Variants in COMT observed in about 807,000 individuals in gnomAD.
COMT encodes catechol-O-methyltransferase, also known as catechol O-methyltransferase.
In COMT, 13 loss-of-function variants were observed where a neutral mutation model predicts 18.9. The observed-to-expected ratio is 0.69, with a 90% CI of 0.45 to 1.09. The LOEUF is 1.09. Among genes scored for constraint, COMT ranks in the 50% least tolerant of loss-of-function variants. The pLI, the probability that COMT is intolerant of heterozygous loss-of-function variation, is 0.00. For synonymous variants in COMT, 150 were observed against 160.9 expected (o/e 0.93, Z 0.51); for missense variants, 329 against 361.8 (o/e 0.91, Z 0.73).
intron 5 of COMT, among the ~76,000 whole-genome samples, chr22:19,966,694 A>G (rs1389850083): frequency 6.6e-6 from 1 of 151,592 alleles, no homozygotes; most frequent in Middle Eastern, 3.2e-3. Flanking sequence ...TCTTGCCTCA[A>G]CCTCCCAAAG....
intron 2 of COMT, among the ~76,000 whole-genome samples, chr22:19,961,502 G>A (rs748426675): frequency 2.0e-5 from 3 of 151,842 alleles, no homozygotes; most frequent in African/African-American, 4.9e-5. Context: ...CTGGTGCCCT[G>A]AGGCTGGCCT....
At chr22:19,942,223 A>G (rs1480085218) in intron 1 of COMT, among the ~76,000 whole-genome samples, 1 of 152,204 alleles carries the variant, frequency 6.6e-6, no homozygotes, top group Admixed American at 6.5e-5. Flanking sequence ...GACCAGGAGG[A>G]TAAGCCTCTC....
chr22:19,942,092 C>G (rs1049936894), intron 1 of COMT, 195 bp downstream of exon 1: 11 of 350,972 alleles, frequency 3.1e-5, no homozygotes, highest in Middle Eastern at 7.5e-4. Context: ...GGGTGGGGAT[C>G]TTTGGACCGG....
intron 1 of COMT, among the ~76,000 whole-genome samples, chr22:19,945,887 G>T (rs901018064): frequency 6.6e-6 from 1 of 152,126 alleles, no homozygotes; most frequent in South Asian, 2.1e-4. Flanking sequence ...GGATGGTCTC[G>T]CTCTCCAGAC....
intron 4 of COMT, 163 bp downstream of exon 4, chr22:19,963,922 C>G (rs1942269169): frequency 8.5e-7 from 1 of 1,172,332 alleles, no homozygotes; most frequent in Admixed American, 2.0e-5. Flanking sequence ...GAGGAAAGAC[C>G]CCCCCAGCAG....
chr22:19,950,523 A>G lies in COMT; in HGVS notation c.-92+8626A>G, dbSNP rs548734423. On this transcript the variant is annotated intron_variant, in intron 1 of 5. Coordinates refer to ENST00000361682, the MANE Select transcript of COMT (RefSeq NM_000754.4). ...TTGTTTTGCCCTGATGGATGACTAC[A>G]TGTTTCCAGTGAGCTCAGCTGGTTG... 2.0e-5 allele frequency among the ~76,000 whole-genome samples: 3 copies of G among 152,162 alleles called. No individual in the cohort carries two copies. In the East Asian group the frequency reaches 5.8e-4, roughly 29 times the overall value.
At chr22:19,966,034 G>A (rs1372004111) in intron 5 of COMT, among the ~76,000 whole-genome samples, 2 of 152,216 alleles carry the variant, frequency 1.3e-5, no homozygotes, top group Non-Finnish European at 2.9e-5. Context: ...AATTACAGGG[G>A]CCTGCCTTCA....
chr22:19,956,090 A>T (rs573490163), intron 1 of COMT, among the ~76,000 whole-genome samples: 13 of 151,978 alleles, frequency 8.6e-5, no homozygotes, highest in African/African-American at 3.1e-4. Context: ...TTGCAAAGAG[A>T]ACAAAGTCAG....
chr22:19,969,319 G>A lies in COMT; in HGVS notation c.*583G>A, dbSNP rs915493261. 9.7e-5 allele frequency: 15 copies of A among 154,058 alleles called. No homozygotes were observed. Among genetic ancestry groups the A allele is most frequent in the African/African-American group, 3.6e-4 (15 of 41,428 alleles). The allele number at this position is 154,058 out of a possible 1,614,324, so 9.5% of individuals were successfully genotyped here. ...ACCTTTCTGACCAAGCAGGCGCTGG[G>A]GACAGGTGGACCCCGCAGCAGCACC... On this transcript the variant is annotated 3_prime_UTR_variant, in exon 6 of 6. Coordinates refer to ENST00000361682, the MANE Select transcript of COMT (RefSeq NM_000754.4).
intron 5 of COMT, 42 bp downstream of exon 5, chr22:19,964,341 A>C: frequency 6.2e-7 from 1 of 1,613,536 alleles, no homozygotes; most frequent in Non-Finnish European, 8.5e-7. Flanking sequence ...GCTGCTGCCC[A>C]GAGCCCATTC....
chr22:19,968,435 G>A, intron 5 of COMT, 101 bp from the exon 6 acceptor site: 1 of 1,155,220 alleles, frequency 8.7e-7, no homozygotes, highest in Non-Finnish European at 1.3e-6. Flanking sequence ...CTAGGCACAG[G>A]CGTGGTGCCG....
intron 2 of COMT, chr22:19,961,823 G>A (rs111744769): frequency 8.5e-5 from 13 of 152,696 alleles, no homozygotes; most frequent in African/African-American, 2.9e-4. Flanking sequence ...ACACCAGGAG[G>A]ATTTCAAACA....
intron 4 of COMT, chr22:19,963,962 AC>A: frequency 8.3e-7 from 1 of 1,206,130 alleles, no homozygotes; most frequent in East Asian, 2.5e-5. Flanking sequence ...CTCTGGGTAA[AC>A]TGCCAAGGTG....
chr22:19,954,218 C>CAAAAAG (rs1942011207), intron 1 of COMT, among the ~76,000 whole-genome samples: 1 of 135,438 alleles, frequency 7.4e-6, no homozygotes, highest in Admixed American at 7.4e-5. Context: ...GGTATTGAGT[C>CAAAAAG]AAAAAAAAAA....
intron 1 of COMT, among the ~76,000 whole-genome samples, chr22:19,958,073 G>A: frequency 6.6e-6 from 1 of 151,986 alleles, no homozygotes; most frequent in Non-Finnish European, 1.5e-5. Flanking sequence ...GAATTGCTGG[G>A]TCATATGGTA....
At chr22:19,967,637 TAC>T in intron 5 of COMT, 1 of 312,224 alleles carries the variant, frequency 3.2e-6, no homozygotes, top group Non-Finnish European at 6.3e-6. Flanking sequence ...TGGGGTCGGA[TAC>T]CAGTGTTTCA....
intron 5 of COMT, among the ~76,000 whole-genome samples, chr22:19,967,984 G>A (rs536959884): frequency 1.6e-4 from 24 of 152,344 alleles, no homozygotes; most frequent in African/African-American, 5.5e-4. Flanking sequence ...TCCTCCCAGG[G>A]CCCAGGCACT....
chr22:19,944,581 T>C (rs562907568), intron 1 of COMT, among the ~76,000 whole-genome samples: 1 of 151,238 alleles, frequency 6.6e-6, no homozygotes, highest in African/African-American at 2.4e-5. Flanking sequence ...TCCCAGCACT[T>C]TGGGAGGCCG....
chr22:19,956,713 G>A (rs1397121131), intron 1 of COMT, among the ~76,000 whole-genome samples: 1 of 151,922 alleles, frequency 6.6e-6, no homozygotes, highest in Admixed American at 6.6e-5. Flanking sequence ...TTTAAAATGA[G>A]CCTAGAAACC....
Sources: gnomAD v4.1 joint callset for allele counts (sites outside exome capture counted in the v4.1 genomes callset) on GRCh38, gnomAD v4.1.1 for gene constraint, MANE v1.5 for transcripts, NCBI Gene and HGNC (gene_info 2026-07-23, HGNC 2026-07-21) for gene names.